The following ANXA10 variants were observed in gnomAD, a reference collection of about 807,000 sequenced individuals.
The protein encoded by ANXA10 is annexin 14.
In ANXA10, 49 loss-of-function variants were observed where a neutral mutation model predicts 53.5. The ratio of observed to expected loss-of-function variants is 0.92; its 90% CI spans 0.73 to 1.16. ANXA10 has a LOEUF of 1.16. Among genes scored for constraint, ANXA10 ranks in the 50% most tolerant of loss-of-function variants. The probability of loss-of-function intolerance (pLI) is 0.00; values close to 1 mark genes in which losing one functional copy is unlikely to be tolerated. For missense variants in ANXA10, 393 were observed against 394.4 expected, an observed-to-expected ratio of 1.00 and a Z score of 0.03; for synonymous variants, 131 against 128.9, an observed-to-expected ratio of 1.02 and a Z score of -0.11.
chr4:168,172,176 G>T (rs12508995), intron 6 of ANXA10, among the ~76,000 whole-genome samples: 3,299 of 152,200 alleles, frequency 0.022, 197 homozygotes, highest in East Asian at 0.14. Flanking sequence ...CCCTTTACAT[G>T]ACAAAGCCAG....
chr4:168,186,921 TTGA>T (rs1331934384), intron 11 of ANXA10, among the ~76,000 whole-genome samples: 2 of 152,098 alleles, frequency 1.3e-5, no homozygotes, highest in Non-Finnish European at 2.9e-5. Flanking sequence ...TTATCAATGA[TTGA>T]TAATAACTTT....
chr4:168,155,104 T>A (rs1731581731), intron 3 of ANXA10, among the ~76,000 whole-genome samples: 1 of 149,752 alleles, frequency 6.7e-6, no homozygotes, highest in South Asian at 2.1e-4. Flanking sequence ...AACAGTACCT[T>A]CTCTGTCCTG....
intron 8 of ANXA10, 177 bp downstream of exon 8, chr4:168,178,160 G>A (rs1258137049): frequency 3.5e-6 from 2 of 565,860 alleles, no homozygotes; most frequent in Non-Finnish European, 6.2e-6. Flanking sequence ...CATTACTAAG[G>A]AATAAATATT....
In ANXA10 at chr4:168,184,629, T is replaced by G; in HGVS notation, c.854T>G (p.Ile285Arg). Reference sequence around the variant, plus strand: ...AGAAGTGAAATAGACCTGCTGACCATAAGGAAACGATACAAAGAGCGATAT... The same window carrying G: ...AGAAGTGAAATAGACCTGCTGACCAGAAGGAAACGATACAAAGAGCGATAT... ...IARSEIDLLT[I>R]RKRYKERYGK... Residue 285 changes from isoleucine (I) to arginine (R), a missense_variant, in exon 11 of 12, where the codon ATA becomes AGA. Transcript: ENST00000359299. 1 of 1,614,040 alleles carries G rather than the reference T, an allele frequency of 6.2e-7. No individual in the cohort carries two copies. Among genetic ancestry groups the G allele is most frequent in the South Asian group, 1.1e-5 (1 of 91,074 alleles).
intron 1 of ANXA10, among the ~76,000 whole-genome samples, chr4:168,113,031 AAG>A (rs1349043281): frequency 6.6e-6 from 1 of 152,110 alleles, no homozygotes; most frequent in Non-Finnish European, 1.5e-5. Context: ...GGAAAAAAAA[AAG>A]AAAGAAAAAA....
intron 10 of ANXA10, among the ~76,000 whole-genome samples, chr4:168,182,613 G>A (rs1470659507): frequency 6.7e-5 from 10 of 150,132 alleles, no homozygotes; most frequent in African/African-American, 1.9e-4. Flanking sequence ...GATTACAGGC[G>A]TGAGCCACCG....
chr4:168,181,727 T>C lies in ANXA10; in HGVS notation c.769T>C (p.Tyr257His). The stretch of plus-strand genomic sequence containing the variant: ...ACCAGCCTATTTTGCTTATAGATTA[T>C]ATAGTGCAATTCATGTAAGTAAGAC... ...DKPAYFAYRL[Y>H]SAIHDFGFHN... is the part of the protein sequence containing the mutation. Residue 257 changes from tyrosine (Y) to histidine (H), a missense_variant, in exon 10 of 12, where the codon TAT (tyrosine) becomes CAT (histidine). Coordinates refer to ENST00000359299, the MANE Select transcript of ANXA10 (RefSeq NM_007193.5). 1.3e-6 allele frequency: 2 copies of C among 1,594,808 alleles called. No individual in the cohort carries two copies. The highest frequency in any genetic ancestry group is 1.7e-6 in the Non-Finnish European group (2 of 1,165,178).
intron 3 of ANXA10, among the ~76,000 whole-genome samples, chr4:168,155,535 A>G (rs1289993121): frequency 2.4e-5 from 1 of 41,042 alleles, no homozygotes; most frequent in African/African-American, 1.3e-4. Context: ...ATAATATATA[A>G]TTATATATTA....
intron 1 of ANXA10, among the ~76,000 whole-genome samples, chr4:168,099,191 G>A (rs576265678): frequency 6.6e-6 from 1 of 152,164 alleles, no homozygotes; most frequent in East Asian, 1.9e-4. Context: ...TTATTCTTTT[G>A]TTGTTGCCCT....
intron 3 of ANXA10, among the ~76,000 whole-genome samples, chr4:168,141,881 T>G (rs1223686499): frequency 6.6e-6 from 1 of 152,136 alleles, no homozygotes; most frequent in East Asian, 1.9e-4. Context: ...CTGCCTAGTT[T>G]CCACCCCAGG....
rs542589052 is a variant in ANXA10, at chr4:168,171,325, T to G, written c.480+5999T>G. On this transcript the variant is annotated intron_variant, in intron 6 of 11. Transcript: ENST00000359299. The stretch of plus-strand genomic sequence containing the variant: ...GATTTATCATTTAACCTTTATGAGA[T>G]TCAGGTTTTTACTCTGTAAATTAAA... 3.7e-4 allele frequency among the ~76,000 whole-genome samples: 57 copies of G among 152,302 alleles called. 1 individual carries two copies. In the South Asian group the frequency reaches 0.012, roughly 32 times the overall value.
chr4:168,157,798 T>C lies in ANXA10; in HGVS notation c.196-4730T>C, dbSNP rs72987481. Reference sequence around the variant, plus strand: ...GGTTCACTTGTGAAGCTATGTGTATTCTTTTATTGCTATTTTTCTAGTGCA... The same window carrying C: ...GGTTCACTTGTGAAGCTATGTGTATCCTTTTATTGCTATTTTTCTAGTGCA... On this transcript the variant is annotated intron_variant, in intron 3 of 11. Coordinates refer to ENST00000359299, the MANE Select transcript of ANXA10 (RefSeq NM_007193.5). Among the ~76,000 whole-genome samples, 990 of 152,332 alleles carry C rather than the reference T, an allele frequency of 6.5e-3. 10 individuals are homozygous for C. The highest frequency in any genetic ancestry group is 0.023 in the African/African-American group (937 of 41,578).
At position 168,092,645 on chromosome 4, in the gene ANXA10, A is replaced by G; in HGVS notation, c.-56A>G. 6.5e-7 allele frequency: 1 copy of G among 1,529,524 alleles called. No homozygotes were observed. The highest frequency in any genetic ancestry group is 2.3e-5 in the East Asian group (1 of 43,306). The allele number at this position is 1,529,524 out of a possible 1,614,324, so 94.7% of individuals were successfully genotyped here. ...ATTCTTTCTGGCTTCACAGTGAAAC[A>G]AGTTTATGCAATCGATCAAATATTT... On this transcript the variant is annotated 5_prime_UTR_variant, in exon 1 of 12. Transcript: ENST00000359299.
intron 3 of ANXA10, among the ~76,000 whole-genome samples, chr4:168,149,016 A>C (rs990034433): frequency 6.6e-6 from 1 of 152,118 alleles, no homozygotes; most frequent in Non-Finnish European, 1.5e-5. Context: ...CTCTTCTGAC[A>C]TCAAGAGGTA....
Position 168,153,791 on chromosome 4 carries a change from AAAG to A in ANXA10, c.196-8733_196-8731del, listed in dbSNP as rs1488895872. On this transcript the variant is annotated intron_variant, in intron 3 of 11. Coordinates refer to ENST00000359299, the MANE Select transcript of ANXA10 (RefSeq NM_007193.5). ...ACTTTGCAGATTGTGAAACAGACAC[AAAG>A]AAGTTAAGGAACATATTTAGAATCT... is the stretch of plus-strand genomic sequence containing the variant. 6.6e-5 allele frequency among the ~76,000 whole-genome samples: 10 copies of A among 152,326 alleles called. No homozygotes were observed. In the South Asian group the frequency reaches 2.1e-3, roughly 32 times the overall value.
intron 1 of ANXA10, among the ~76,000 whole-genome samples, chr4:168,115,210 T>C (rs1730873427): frequency 6.6e-6 from 1 of 152,122 alleles, no homozygotes; most frequent in African/African-American, 2.4e-5. Flanking sequence ...TTATCTAGTC[T>C]ATCACTGGTG....
intron 3 of ANXA10, among the ~76,000 whole-genome samples, chr4:168,142,860 A>G (rs1190311704): frequency 6.6e-6 from 1 of 152,096 alleles, no homozygotes; most frequent in African/African-American, 2.4e-5. Context: ...CCTTGTGCAT[A>G]ATGCTACTGG....
chr4:168,118,626 G>C (rs552703316), intron 1 of ANXA10, among the ~76,000 whole-genome samples: 1 of 151,976 alleles, frequency 6.6e-6, no homozygotes, highest in Non-Finnish European at 1.5e-5. Flanking sequence ...GCTCAAAAAG[G>C]GTGTACTCTC....
At chr4:168,164,100 A>C in intron 4 of ANXA10, 98 bp from the exon 5 acceptor site, 1 of 911,682 alleles carries the variant, frequency 1.1e-6, no homozygotes. Flanking sequence ...GCCACCTCTC[A>C]AAACACTGGA....
Sources: allele counts gnomAD v4.1 joint callset (sites outside exome capture counted in the v4.1 genomes callset), GRCh38; gene constraint gnomAD v4.1.1; transcripts MANE v1.5; gene names NCBI Gene and HGNC (gene_info 2026-07-23, HGNC 2026-07-21).